The following IQCH variants were observed in gnomAD, a reference collection of about 807,000 sequenced individuals.
The protein encoded by IQCH is IQ motif containing H, also known as IQ domain-containing protein H.
Under a neutral mutation model 117.0 loss-of-function variants are expected in IQCH, and 98 were observed. The observed-to-expected ratio is 0.84, with a 90% CI of 0.71 to 0.99. The LOEUF is 0.99. IQCH is among the 50% of genes least tolerant of loss of function. The pLI, the probability that IQCH is intolerant of heterozygous loss-of-function variation, is 0.00. For synonymous variants in IQCH, 412 were observed against 448.2 expected (o/e 0.92, Z 1.02); for missense variants, 1,102 against 1,243.8 (o/e 0.89, Z 1.72).
chr15:67,457,737 C>A lies in IQCH; in HGVS notation c.2506-7390C>A, dbSNP rs1342064027. 6.6e-6 allele frequency among the ~76,000 whole-genome samples: 1 copy of A among 152,178 alleles called. No homozygotes were observed. Among genetic ancestry groups the A allele is most frequent in the Non-Finnish European group, 1.5e-5 (1 of 68,020 alleles). On this transcript the variant is annotated intron_variant, in intron 16 of 20. Transcript: ENST00000335894. This position sits in a 1 kb window ranked among gnomAD's most constrained non-coding sequence, Gnocchi z 5.7. ...GAGAGGGGAAAGAAGTTGCTTAAGACCACAAGGCCAGCACTCCCAGCGAGG... is the reference window on the plus strand; with the variant it reads ...GAGAGGGGAAAGAAGTTGCTTAAGAACACAAGGCCAGCACTCCCAGCGAGG...
chr15:67,489,335 T>TA (rs1193639881), intron 18 of IQCH, among the ~76,000 whole-genome samples: 1 of 150,572 alleles, frequency 6.6e-6, no homozygotes, highest in Non-Finnish European at 1.5e-5. Flanking sequence ...GCCCGGCCAA[T>TA]TTTTTTTGAG....
At position 67,427,887 on chromosome 15, in the gene IQCH, G is replaced by A. The variant is rs563441440; in HGVS notation, c.2505+6310G>A. Among the ~76,000 whole-genome samples, 37 of 150,188 alleles carry A rather than the reference G, an allele frequency of 2.5e-4. No individual in the cohort carries two copies. The highest frequency in any genetic ancestry group is 6.1e-4 in the African/African-American group (25 of 40,720). On this transcript the variant is annotated intron_variant, in intron 16 of 20. Coordinates refer to ENST00000335894, the MANE Select transcript of IQCH (RefSeq NM_001031715.3). This position sits in a 1 kb window ranked among gnomAD's most constrained non-coding sequence, Gnocchi z 4.7. ...TGTGTTGCCCAGGCTGGAGTGCAGTGGCATGATCTTGCTTCACTGTAATCT... is the reference window on the plus strand; with the variant it reads ...TGTGTTGCCCAGGCTGGAGTGCAGTAGCATGATCTTGCTTCACTGTAATCT...
chr15:67,374,557 T>A (rs900948670), intron 10 of IQCH, among the ~76,000 whole-genome samples: 2 of 152,186 alleles, frequency 1.3e-5, no homozygotes, highest in Non-Finnish European at 2.9e-5. Flanking sequence ...AATAAGGCAA[T>A]CTTTTCTAGA....
rs1180902717 is a variant in IQCH, at chr15:67,454,889, CA to C, written c.2506-10237del. Among the ~76,000 whole-genome samples, 1 of 152,172 alleles carries C rather than the reference CA, an allele frequency of 6.6e-6. No individual in the cohort carries two copies. Among genetic ancestry groups the C allele is most frequent in the Non-Finnish European group, 1.5e-5 (1 of 68,034 alleles). On this transcript the variant is annotated intron_variant, in intron 16 of 20. Coordinates refer to ENST00000335894, the MANE Select transcript of IQCH (RefSeq NM_001031715.3). The surrounding 1 kb of genome is among the most constrained non-coding windows in gnomAD (Gnocchi z 5.2). ...ATTCATATAAAAGTGTTCGCATAAA[CA>C]TGTGTTTTCATTTGTCTTGGTTATA...
At chr15:67,306,973 A>G (rs1967329504) in intron 4 of IQCH, 2 of 1,388,552 alleles carry the variant, frequency 1.4e-6, no homozygotes, top group Non-Finnish European at 1.9e-6. Flanking sequence ...TTTTAAATAA[A>G]AAGTGTTTCT....
chr15:67,370,547 C>T lies in IQCH; in HGVS notation c.754-1564C>T, dbSNP rs1180620397. Among the ~76,000 whole-genome samples, 1 of 152,228 alleles carries T rather than the reference C, an allele frequency of 6.6e-6. No individual in the cohort carries two copies. The highest frequency in any genetic ancestry group is 2.4e-5 in the African/African-American group (1 of 41,460). On this transcript the variant is annotated intron_variant, in intron 8 of 20. Transcript: ENST00000335894. This position sits in a 1 kb window ranked among gnomAD's most constrained non-coding sequence, Gnocchi z 5.6. ...TGTCTTCTACCAGGAGTGGCAGCCT[C>T]TCCTGCCAGCACTGGTGGCTGCTGA...
At chr15:67,446,731 T>C (rs773137968) in intron 16 of IQCH, among the ~76,000 whole-genome samples, 14 of 152,332 alleles carry the variant, frequency 9.2e-5, no homozygotes, top group Non-Finnish European at 1.6e-4. Context: ...AGGACTTTGA[T>C]TGATCACAGG....
rs2083138370 is a variant in IQCH at position 67,474,036 on chromosome 15, G to A, written c.2677-1660G>A. Among the ~76,000 whole-genome samples, 1 of 151,404 alleles carries A rather than the reference G, an allele frequency of 6.6e-6. No individual in the cohort carries two copies. Among genetic ancestry groups the A allele is most frequent in the Admixed American group, 6.6e-5 (1 of 15,172 alleles). Reference sequence around the variant, plus strand: ...ATGCTCCCCCCATCATGTGTGAGGGGAGCATGTCACCAAAAGTGCCACGAA... The same window carrying A: ...ATGCTCCCCCCATCATGTGTGAGGGAAGCATGTCACCAAAAGTGCCACGAA... On this transcript the variant is annotated intron_variant, in intron 17 of 20. Coordinates refer to ENST00000335894, the MANE Select transcript of IQCH (RefSeq NM_001031715.3). This position sits in a 1 kb window ranked among gnomAD's most constrained non-coding sequence, Gnocchi z 4.1.
chr15:67,476,408 G>A lies in IQCH; in HGVS notation c.2799+590G>A, dbSNP rs1249172899. 6.6e-6 allele frequency among the ~76,000 whole-genome samples: 1 copy of A among 152,092 alleles called. No homozygotes were observed. Among genetic ancestry groups the A allele is most frequent in the African/African-American group, 2.4e-5 (1 of 41,420 alleles). On this transcript the variant is annotated intron_variant, in intron 18 of 20. Transcript: ENST00000335894. This position sits in a 1 kb window ranked among gnomAD's most constrained non-coding sequence, Gnocchi z 4.1. Reference sequence around the variant, plus strand: ...GTCTCTTTTACAAGGTACCAGTTCCGTCAATCAAAGCATCACACCTACAGC... The same window carrying A: ...GTCTCTTTTACAAGGTACCAGTTCCATCAATCAAAGCATCACACCTACAGC...
chr15:67,465,215 G>T lies in IQCH; in HGVS notation c.2594G>T (p.Cys865Phe). Residue 865 changes from cysteine (C) to phenylalanine (F), a missense_variant, in exon 17 of 21, where the codon TGC (cysteine) becomes TTC (phenylalanine). Transcript: ENST00000335894. This position sits in a 1 kb window ranked among gnomAD's most constrained non-coding sequence, Gnocchi z 5.9. ...TACCTGACAAACGGCCATCTGGATT[G>T]CAGTTTGAGCACCCTGGAAGTGCCC... ...TLYLTNGHLD[C>F]SLSTLEVPRF... 1 of 1,614,132 alleles carries T rather than the reference G, an allele frequency of 6.2e-7. No homozygotes were observed. The highest frequency in any genetic ancestry group is 8.5e-7 in the Non-Finnish European group (1 of 1,180,024).
rs1467832052 is a variant in IQCH, at chr15:67,384,536, A to G, written c.1373-400A>G. Among the ~76,000 whole-genome samples, 1 of 152,146 alleles carries G rather than the reference A, an allele frequency of 6.6e-6. No individual in the cohort carries two copies. The highest frequency in any genetic ancestry group is 1.5e-5 in the Non-Finnish European group (1 of 68,016). ...TGTGTCACTTTAGAATGATTCTGGAACACATCTTCAAAATACCACATAAGA... is the reference window on the plus strand; with the variant it reads ...TGTGTCACTTTAGAATGATTCTGGAGCACATCTTCAAAATACCACATAAGA... On this transcript the variant is annotated intron_variant, in intron 10 of 20. Transcript: ENST00000335894. This position sits in a 1 kb window ranked among gnomAD's most constrained non-coding sequence, Gnocchi z 4.3.
chr15:67,481,334 A>G lies in IQCH; in HGVS notation c.2799+5516A>G, dbSNP rs1297976922. 6.6e-6 allele frequency among the ~76,000 whole-genome samples: 1 copy of G among 152,190 alleles called. No individual in the cohort carries two copies. On this transcript the variant is annotated intron_variant, in intron 18 of 20. Transcript: ENST00000335894. This position sits in a 1 kb window ranked among gnomAD's most constrained non-coding sequence, Gnocchi z 4.1. The stretch of plus-strand genomic sequence containing the variant: ...TCATGGCGAAAGGGGAAGCAAACAC[A>G]TTCTTCTTCACAAAATGGCAGGAGA...
At position 67,256,298 on chromosome 15, in the gene IQCH, A is replaced by G. The variant is rs571377094; in HGVS notation, c.51+1351A>G. On this transcript the variant is annotated intron_variant, in intron 1 of 20. Coordinates refer to ENST00000335894, the MANE Select transcript of IQCH (RefSeq NM_001031715.3). Reference sequence around the variant, plus strand: ...TTCCTCCCAGCCATGATATGTGACAATATGCATAGAATATTGCAACTAGAG... The same window carrying G: ...TTCCTCCCAGCCATGATATGTGACAGTATGCATAGAATATTGCAACTAGAG... Among the ~76,000 whole-genome samples, 4 of 152,298 alleles carry G rather than the reference A, an allele frequency of 2.6e-5. No homozygotes were observed. In the South Asian group the frequency reaches 8.3e-4, roughly 32 times the overall value.
rs2083961728 is a variant in IQCH, at chr15:67,500,837, T to G, written c.*91T>G. ...GTTAGAAATAAAAGCCAGGGGAAATTGGTTTGCTTTGTGTGCTAGGAGGTG... is the reference window on the plus strand; with the variant it reads ...GTTAGAAATAAAAGCCAGGGGAAATGGGTTTGCTTTGTGTGCTAGGAGGTG... On this transcript the variant is annotated 3_prime_UTR_variant, in exon 21 of 21. Coordinates refer to ENST00000335894, the MANE Select transcript of IQCH (RefSeq NM_001031715.3). The surrounding 1 kb of genome is among the most constrained non-coding windows in gnomAD (Gnocchi z 4.4). 2 of 624,034 alleles carry G rather than the reference T, an allele frequency of 3.2e-6. No homozygotes were observed. Among genetic ancestry groups the G allele is most frequent in the African/African-American group, 3.7e-5 (2 of 53,770 alleles). 38.7% of individuals were successfully genotyped at this position (624,034 alleles called of 1,614,324 possible). A position where few individuals can be genotyped will look rare whatever the true frequency, so the allele number is the denominator to read the frequency against.
At chr15:67,306,604 T>C (rs1002753552) in intron 4 of IQCH, among the ~76,000 whole-genome samples, 5 of 152,094 alleles carry the variant, frequency 3.3e-5, no homozygotes, top group African/African-American at 9.7e-5. Flanking sequence ...CTCCTGATAA[T>C]AAGAGGCTGA....
At chr15:67,489,792 G>A (rs556303051) in intron 18 of IQCH, among the ~76,000 whole-genome samples, 1 of 151,620 alleles carries the variant, frequency 6.6e-6, no homozygotes, top group African/African-American at 2.4e-5. Context: ...TGATGCAGGT[G>A]TTGAGGATCA....
Position 67,395,213 on chromosome 15 carries a change from A to T in IQCH, c.1633-78A>T. The T allele has an allele frequency of 7.1e-7, 1 of 1,410,530 alleles. No individual in the cohort carries two copies. Among genetic ancestry groups the T allele is most frequent in the Non-Finnish European group, 9.7e-7 (1 of 1,034,708 alleles). 87.4% of individuals were successfully genotyped at this position (1,410,530 alleles called of 1,614,324 possible). The stretch of plus-strand genomic sequence containing the variant: ...GCCTGCTATTAATAATGTATTTATT[A>T]TGTGCAACATTATAAATTAGGTGTA... On this transcript the variant is annotated intron_variant, in intron 12 of 20. Coordinates refer to ENST00000335894, the MANE Select transcript of IQCH (RefSeq NM_001031715.3). The surrounding 1 kb of genome is among the most constrained non-coding windows in gnomAD (Gnocchi z 4.0).
intron 16 of IQCH, among the ~76,000 whole-genome samples, chr15:67,442,817 G>GAGATAGAT (rs201394285): frequency 0.067 from 9,233 of 138,070 alleles, 360 homozygotes; most frequent in South Asian, 0.078. Flanking sequence ...AAGAAACTGT[G>GAGATAGAT]AGATAGATAG....
At chr15:67,392,147 G>A (rs1432864550) in intron 12 of IQCH, among the ~76,000 whole-genome samples, 1 of 152,110 alleles carries the variant, frequency 6.6e-6, no homozygotes, top group African/African-American at 2.4e-5. Flanking sequence ...CTCCAAAATA[G>A]GGATAGTTAA....
Sources: gnomAD v4.1 joint callset for allele counts (sites outside exome capture counted in the v4.1 genomes callset) on GRCh38, gnomAD v4.1.1 for gene constraint, Gnocchi (gnomAD v3.1) non-coding constraint, MANE v1.5 for transcripts, NCBI Gene and HGNC (gene_info 2026-07-23, HGNC 2026-07-21) for gene names.